Variants in MLLT3 observed in about 807,000 individuals in gnomAD.
MLLT3 encodes MLLT3 super elongation complex subunit, also known as protein AF-9.
A neutral mutation model predicts 53.2 loss-of-function variants in MLLT3; 4 were observed. The ratio of observed to expected loss-of-function variants is 0.08; its 90% CI spans 0.04 to 0.17. MLLT3 has a LOEUF of 0.17. Among genes scored for constraint, MLLT3 ranks in the 10% least tolerant of loss-of-function variants. The probability of loss-of-function intolerance (pLI) is 1.00; values close to 1 mark genes in which losing one functional copy is unlikely to be tolerated. For missense variants in MLLT3, 569 were observed against 684.0 expected (o/e 0.83, Z 1.87); for synonymous variants, 283 against 230.6 (o/e 1.23, Z -2.06).
At chr9:20,347,693 T>C (rs911210354) in intron 10 of MLLT3, among the ~76,000 whole-genome samples, 1 of 152,174 alleles carries the variant, frequency 6.6e-6, no homozygotes, top group African/African-American at 2.4e-5. Flanking sequence ...GCAAAGTTAG[T>C]ATCAGGGCAA....
At chr9:20,502,808 A>G (rs533721776) in intron 2 of MLLT3, among the ~76,000 whole-genome samples, 33 of 152,334 alleles carry the variant, frequency 2.2e-4, no homozygotes, top group African/African-American at 7.7e-4. Context: ...TAACATCTCC[A>G]TCAAAAAACT....
chr9:20,422,478 T>C (rs1823033946), intron 4 of MLLT3, among the ~76,000 whole-genome samples: 1 of 152,168 alleles, frequency 6.6e-6, no homozygotes, highest in African/African-American at 2.4e-5. Flanking sequence ...CCAATATAGA[T>C]ATAACCACAC....
intron 10 of MLLT3, 97 bp from the exon 11 acceptor site, chr9:20,346,671 G>A: frequency 1.7e-6 from 2 of 1,190,820 alleles, no homozygotes; most frequent in Non-Finnish European, 2.4e-6. Flanking sequence ...GGAATCAAGT[G>A]ATAAATATTC....
intron 5 of MLLT3, among the ~76,000 whole-genome samples, chr9:20,376,975 G>A (rs1821782083): frequency 6.6e-6 from 1 of 152,166 alleles, no homozygotes; most frequent in South Asian, 2.1e-4. Context: ...TTTCACAACT[G>A]ACCTTTAACT....
intron 4 of MLLT3, among the ~76,000 whole-genome samples, chr9:20,428,730 C>A (rs1282621525): frequency 6.6e-6 from 1 of 152,000 alleles, no homozygotes; most frequent in Non-Finnish European, 1.5e-5. Flanking sequence ...TAATAAAATT[C>A]ACAGTCCTCA....
intron 2 of MLLT3, among the ~76,000 whole-genome samples, chr9:20,539,597 G>A (rs1818573779): frequency 6.6e-6 from 1 of 152,070 alleles, no homozygotes; most frequent in Admixed American, 6.5e-5. Context: ...CACTATCACA[G>A]GAATAACATG....
chr9:20,368,826 A>G (rs1821521574), intron 5 of MLLT3, among the ~76,000 whole-genome samples: 1 of 152,230 alleles, frequency 6.6e-6, no homozygotes, highest in Non-Finnish European at 1.5e-5. Flanking sequence ...ACATTAAAGT[A>G]GAAAGTTTAA....
At chr9:20,400,290 AAG>A (rs1822422840) in intron 5 of MLLT3, among the ~76,000 whole-genome samples, 1 of 152,162 alleles carries the variant, frequency 6.6e-6, no homozygotes, top group African/African-American at 2.4e-5. Flanking sequence ...CATGTGAAAA[AAG>A]AGAGATGAGG....
chr9:20,446,368 T>G (rs1490977428), intron 4 of MLLT3, among the ~76,000 whole-genome samples: 3 of 152,140 alleles, frequency 2.0e-5, no homozygotes, highest in Admixed American at 2.0e-4. Context: ...AAAGGCTGAG[T>G]AGAGCACAAG....
intron 2 of MLLT3, among the ~76,000 whole-genome samples, chr9:20,550,902 C>T (rs11791533): frequency 0.047 from 7,204 of 152,202 alleles, 242 homozygotes; most frequent in Middle Eastern, 0.11. Flanking sequence ...GGACTACAGG[C>T]ATGTGCCATC....
rs370208998 is a variant in MLLT3 at position 20,615,679 on chromosome 9, T to C, written c.193+4975A>G. Among the ~76,000 whole-genome samples the C allele has an allele frequency of 1.1e-3, 168 of 152,034 alleles. 9 individuals are homozygous for C. In the South Asian group the frequency reaches 0.034, roughly 30 times the overall value. Reference sequence around the variant, plus strand: ...AGTTAGGATCTCAGGATCCCTATGATCTTTTCAGGTGATTGGTGACGTTAA... The same window carrying C: ...AGTTAGGATCTCAGGATCCCTATGACCTTTTCAGGTGATTGGTGACGTTAA... On this transcript the variant is annotated intron_variant, in intron 2 of 10. Transcript: ENST00000380338.
intron 2 of MLLT3, among the ~76,000 whole-genome samples, chr9:20,524,091 C>T (rs866442599): frequency 6.6e-6 from 1 of 151,960 alleles, no homozygotes; most frequent in African/African-American, 2.4e-5. Context: ...AGTGAAACTG[C>T]TCTATGTGAT....
rs189606113 is a variant in MLLT3, at chr9:20,593,712, T to C, written c.193+26942A>G. On this transcript the variant is annotated intron_variant, in intron 2 of 10. Transcript: ENST00000380338. ...TCTGGCTGTGACTCAGAAGAAACAA[T>C]AGGGATGGGTAATGTAAAACTCTGA... Among the ~76,000 whole-genome samples, 161 of 152,238 alleles carry C rather than the reference T, an allele frequency of 1.1e-3. 2 individuals are homozygous for C. Among genetic ancestry groups the C allele is most frequent in the Middle Eastern group, 3.4e-3 (1 of 294 alleles).
At chr9:20,406,913 G>C (rs1434221991) in intron 5 of MLLT3, among the ~76,000 whole-genome samples, 1 of 152,194 alleles carries the variant, frequency 6.6e-6, no homozygotes, top group African/African-American at 2.4e-5. Flanking sequence ...GTGACCTAAG[G>C]AAGCTGCTTA....
intron 4 of MLLT3, among the ~76,000 whole-genome samples, chr9:20,415,782 A>AAT: frequency 6.6e-6 from 1 of 152,106 alleles, no homozygotes; most frequent in East Asian, 1.9e-4. Flanking sequence ...AACAACAAAA[A>AAT]ATATATATAT....
At chr9:20,513,982 C>T (rs1817834872) in intron 2 of MLLT3, among the ~76,000 whole-genome samples, 1 of 152,154 alleles carries the variant, frequency 6.6e-6, no homozygotes, top group Admixed American at 6.5e-5. Context: ...TATTCAGAGG[C>T]ACAAGTCAGG....
chr9:20,621,852 C>CCGG lies in MLLT3; in HGVS notation c.12+390_12+392dup, dbSNP rs1821022604. The CCGG allele has an allele frequency of 4.3e-6, 6 of 1,386,270 alleles. No homozygotes were observed. The South Asian group carries it at 6.6e-5, about 15-fold the overall frequency. The allele number at this position is 1,386,270 out of a possible 1,614,324, so 85.9% of individuals were successfully genotyped here. ...CGTCCCCGGACTGTGCCCGCAGCTC[C>CCGG]CGGCGGCGGCGGCTGAAATATGGCT... On this transcript the variant is annotated intron_variant, in intron 1 of 10. Coordinates refer to ENST00000380338, the MANE Select transcript of MLLT3 (RefSeq NM_004529.4). The surrounding 1 kb of genome is among the most constrained non-coding windows in gnomAD (Gnocchi z 7.0).
chr9:20,621,844 C>T lies in MLLT3; in HGVS notation c.12+401G>A. ...GCTCGCCGCGTCCCCGGACTGTGCC[C>T]GCAGCTCCCGGCGGCGGCGGCTGAA... On this transcript the variant is annotated intron_variant, in intron 1 of 10. Transcript: ENST00000380338. This position sits in a 1 kb window ranked among gnomAD's most constrained non-coding sequence, Gnocchi z 7.0. The T allele has an allele frequency of 7.2e-7, 1 of 1,392,046 alleles. No homozygotes were observed. The highest frequency in any genetic ancestry group is 9.2e-7 in the Non-Finnish European group (1 of 1,082,956). 86.2% of individuals were successfully genotyped at this position (1,392,046 alleles called of 1,614,324 possible). A position where few individuals can be genotyped will look rare whatever the true frequency, so the allele number is the denominator to read the frequency against.
Position 20,360,775 on chromosome 9 carries a change from A to G in MLLT3, c.1398T>C (p.Pro466=), listed in dbSNP as rs1348280520. 1.9e-6 allele frequency: 3 copies of G among 1,614,132 alleles called. No homozygotes were observed. Among genetic ancestry groups the G allele is most frequent in the Non-Finnish European group, 2.5e-6 (3 of 1,179,950 alleles). The stretch of plus-strand genomic sequence containing the variant: ...TGTTGGTTTTTAGTAAGGGTGGTGG[A>G]GGTTCGTGATGTAGGGGTGAAGAAG... ...SSASSPLHHE[P]PPPLLKTNNN... Residue 466 remains proline, a synonymous_variant, in exon 8 of 11, where the codon CCT becomes CCC. Transcript: ENST00000380338.
Sources: allele counts gnomAD v4.1 joint callset (sites outside exome capture counted in the v4.1 genomes callset), GRCh38; gene constraint gnomAD v4.1.1; non-coding constraint Gnocchi (gnomAD v3.1); transcripts MANE v1.5; gene names NCBI Gene and HGNC (gene_info 2026-07-23, HGNC 2026-07-21).